COL28A1: variants seen among roughly 807,000 people sequenced by gnomAD.
The protein encoded by COL28A1 is collagen alpha-1(XXVIII) chain.
COL28A1 carries 161 observed loss-of-function variants against 150.2 expected under a neutral mutation model. The ratio of observed to expected loss-of-function variants is 1.07; its 90% CI spans 0.94 to 1.22. The LOEUF (loss-of-function observed/expected upper bound fraction) is 1.22, where lower values mean the gene tolerates loss of function less well. Among genes scored for constraint, COL28A1 ranks in the 50% most tolerant of loss-of-function variants. COL28A1 has a pLI of 0.00. For synonymous variants in COL28A1, 552 were observed against 469.7 expected, an observed-to-expected ratio of 1.18 and a Z score of -2.26; for missense variants, 1,617 against 1,388.3, an observed-to-expected ratio of 1.16 and a Z score of -2.62.
intron 3 of COL28A1, among the ~76,000 whole-genome samples, chr7:7,529,707 A>G (rs963349883): frequency 6.6e-6 from 1 of 152,194 alleles, no homozygotes; most frequent in Admixed American, 6.5e-5. Flanking sequence ...CGCATCTTCT[A>G]TGGTCAGCTC....
rs183667399 is a variant in COL28A1, at chr7:7,502,042, C to A, written c.1026+3972G>T. Among the ~76,000 whole-genome samples, 527 of 152,252 alleles carry A rather than the reference C, an allele frequency of 3.5e-3. 3 individuals are homozygous for A. Among genetic ancestry groups the A allele is most frequent in the Non-Finnish European group, 5.9e-3 (404 of 68,014 alleles). ...CCAGAGTAGCTGGGATCACAGGCGC[C>A]CGCCACCACGCCCGGCTAATTTTTG... On this transcript the variant is annotated intron_variant, in intron 11 of 34. Coordinates refer to ENST00000399429, the MANE Select transcript of COL28A1 (RefSeq NM_001037763.3).
chr7:7,461,737 C>G (rs1298291748), intron 15 of COL28A1, among the ~76,000 whole-genome samples: 1 of 152,128 alleles, frequency 6.6e-6, no homozygotes, highest in Non-Finnish European at 1.5e-5. Flanking sequence ...AAGACCCACC[C>G]AAGTAGAAGT....
chr7:7,517,680 G>A, intron 7 of COL28A1, 116 bp downstream of exon 7: 1 of 1,468,850 alleles, frequency 6.8e-7, no homozygotes, highest in Admixed American at 1.8e-5. Flanking sequence ...GCCATCAAGA[G>A]CACAAGGTAG....
At chr7:7,390,778 T>C (rs1041157845) in intron 27 of COL28A1, among the ~76,000 whole-genome samples, 1 of 152,360 alleles carries the variant, frequency 6.6e-6, no homozygotes, top group African/African-American at 2.4e-5. Context: ...TTTATTTGCA[T>C]AGAGGTATTT....
At chr7:7,523,336 T>C (rs1583566801) in intron 4 of COL28A1, among the ~76,000 whole-genome samples, 1 of 151,958 alleles carries the variant, frequency 6.6e-6, no homozygotes, top group African/African-American at 2.4e-5. Flanking sequence ...TTTTTTGTAT[T>C]TTTAGTAGAG....
chr7:7,407,298 G>T (rs903281342), intron 27 of COL28A1, among the ~76,000 whole-genome samples: 1 of 151,882 alleles, frequency 6.6e-6, no homozygotes, highest in Non-Finnish European at 1.5e-5. Flanking sequence ...ATAACACAGA[G>T]AATTTTCCAG....
chr7:7,362,229 A>G lies in COL28A1; in HGVS notation c.3067-1701T>C, dbSNP rs186991275. 2.1e-3 allele frequency among the ~76,000 whole-genome samples: 309 copies of G among 143,852 alleles called. 1 individual carries two copies. In the Middle Eastern group the frequency reaches 0.042, roughly 20 times the overall value. The allele number at this position is 143,852 out of a possible 152,430, so 94.4% of individuals were successfully genotyped here. ...TTGACAATTACCAGGAGCTAGACAA[A>G]TCTTTTATGGGAATAATTATATTCT... is the stretch of plus-strand genomic sequence containing the variant. On this transcript the variant is annotated intron_variant, in intron 33 of 34. Coordinates refer to ENST00000399429, the MANE Select transcript of COL28A1 (RefSeq NM_001037763.3).
chr7:7,493,226 A>G (rs988739922), intron 11 of COL28A1, among the ~76,000 whole-genome samples: 1 of 152,062 alleles, frequency 6.6e-6, no homozygotes, highest in African/African-American at 2.4e-5. Flanking sequence ...GTCAGAAGGC[A>G]TCTAAATTAT....
downstream of COL28A1, chr7:7,356,102 A>G: frequency 6.6e-6 from 1 of 152,356 alleles, no homozygotes; most frequent in Non-Finnish European, 1.5e-5. Flanking sequence ...ATAATAAATT[A>G]TCTAGAGTAC....
the COL28A1 span, among the ~76,000 whole-genome samples, chr7:7,344,306 A>T: frequency 2.0e-5 from 3 of 151,166 alleles, no homozygotes; most frequent in Middle Eastern, 3.4e-3. Context: ...GTTTTTGTTC[A>T]TTTTTTTTCT....
chr7:7,422,622 C>G (rs7788816), intron 25 of COL28A1, among the ~76,000 whole-genome samples: 2 of 151,580 alleles, frequency 1.3e-5, no homozygotes, highest in Admixed American at 6.6e-5. Context: ...GAGTGAGACT[C>G]TGTCTCCAAA....
rs188506439 is a variant in COL28A1 at position 7,378,866 on chromosome 7, T to C, written c.2322+1794A>G. 4.3e-4 allele frequency among the ~76,000 whole-genome samples: 65 copies of C among 152,314 alleles called. 1 individual carries two copies. The highest frequency in any genetic ancestry group is 7.5e-4 in the Non-Finnish European group (51 of 68,028). On this transcript the variant is annotated intron_variant, in intron 30 of 34. Coordinates refer to ENST00000399429, the MANE Select transcript of COL28A1 (RefSeq NM_001037763.3). ...TGGCCATCAGCCTGTCACCGTCTTC[T>C]TGTACCACAACCCACTAGTCCTACA...
At chr7:7,452,188 A>G in intron 18 of COL28A1, 131 bp downstream of exon 18, 2 of 1,370,200 alleles carry the variant, frequency 1.5e-6, no homozygotes, top group East Asian at 5.5e-5. Flanking sequence ...AGCCGCACTT[A>G]AAAAGTAAAA....
chr7:7,350,256 G>A, the COL28A1 span, among the ~76,000 whole-genome samples: 1 of 152,096 alleles, frequency 6.6e-6, no homozygotes, highest in African/African-American at 2.4e-5. Flanking sequence ...TGAGGAGTGA[G>A]GGAGATGAAA....
rs774295912 is a variant in COL28A1 at position 7,520,082 on chromosome 7, G to A, written c.793C>T (p.Arg265Ter). The change falls in exon 6 of 35, where the codon CGA becomes TGA. Residue 265 changes from arginine (R) to a stop codon, truncating the protein, a stop_gained. Transcript: ENST00000399429. LOFTEE classifies it high-confidence loss of function. The stretch of plus-strand genomic sequence containing the variant: ...TTTACCGGGTTTCCTTTTGGTCCTC[G>A]CTCACCTTTGATACCTGGATTTCCA... Reference protein sequence around the residue: ...THGNPGIKGERGPKGNPGNAQ... With the variant: ...THGNPGIKGE 1.7e-5 allele frequency: 24 copies of A among 1,440,158 alleles called. No homozygotes were observed. The South Asian group carries it at 2.1e-4, about 12-fold the overall frequency. 89.2% of individuals were successfully genotyped at this position (1,440,158 alleles called of 1,614,324 possible).
intron 15 of COL28A1, among the ~76,000 whole-genome samples, chr7:7,462,810 A>G (rs1254916982): frequency 1.3e-5 from 2 of 151,842 alleles, no homozygotes; most frequent in African/African-American, 4.8e-5. Context: ...GGTGAGAGCT[A>G]AGATCACGCC....
chr7:7,342,286 T>C, the COL28A1 span, among the ~76,000 whole-genome samples: 3 of 152,090 alleles, frequency 2.0e-5, no homozygotes, highest in Non-Finnish European at 4.4e-5. Flanking sequence ...TAGCATGTTG[T>C]ATTTTGTCCA....
rs756568460 is a variant in COL28A1, at chr7:7,443,599, G to A, written c.1636C>T (p.Gln546Ter). The A allele has an allele frequency of 2.5e-6, 4 of 1,614,114 alleles. No homozygotes were observed. The highest frequency in any genetic ancestry group is 3.4e-6 in the Non-Finnish European group (4 of 1,180,008). ...CATTTCCATACCTTGGGGCCAGGCT[G>A]TCCTTTTCCAGGTGGTCCTTCTGGG... ...RGPEGPPGKG[Q>*]PGPKGDEGKK... The change falls in exon 20 of 35, where the codon CAG becomes TAG. Residue 546 changes from glutamine to a stop codon, truncating the protein, a stop_gained. Coordinates refer to ENST00000399429, the MANE Select transcript of COL28A1 (RefSeq NM_001037763.3). LOFTEE classifies it high-confidence loss of function.
intron 25 of COL28A1, among the ~76,000 whole-genome samples, chr7:7,426,901 C>T (rs763621984): frequency 6.6e-6 from 1 of 152,188 alleles, no homozygotes; most frequent in Non-Finnish European, 1.5e-5. Context: ...CCCCTTACGA[C>T]AGTGAGAAGA....
Sources: gnomAD v4.1 joint callset for allele counts (sites outside exome capture counted in the v4.1 genomes callset) on GRCh38, gnomAD v4.1.1 for gene constraint, MANE v1.5 for transcripts, NCBI Gene and HGNC (gene_info 2026-07-23, HGNC 2026-07-21) for gene names.